The following ESPNL variants were observed in gnomAD, a reference collection of about 807,000 sequenced individuals.
ESPNL encodes espin-like protein.
Under a neutral mutation model 46.8 loss-of-function variants are expected in ESPNL, and 49 were observed. That is an observed-to-expected ratio of 1.05 (90% CI 0.83 to 1.33). The LOEUF (loss-of-function observed/expected upper bound fraction) is 1.33, where lower values mean the gene tolerates loss of function less well. Among genes scored for constraint, ESPNL ranks in the 40% most tolerant of loss-of-function variants. The pLI, the probability that ESPNL is intolerant of heterozygous loss-of-function variation, is 0.00. For missense variants in ESPNL, 1,540 were observed against 1,436.6 expected, an observed-to-expected ratio of 1.07 and a Z score of -1.16; for synonymous variants, 664 against 662.1, an observed-to-expected ratio of 1.00 and a Z score of -0.04.
In ESPNL at chr2:238,131,807, A is replaced by T. The variant is rs147389129; in HGVS notation, c.*75A>T. On this transcript the variant is annotated 3_prime_UTR_variant, in exon 9 of 9. Transcript: ENST00000343063. ...TTTCTCTTTTCTTTTCCTTGCTCAC[A>T]CCCTTGGTGTTCAGGTGAGCCGGGC... 6.7e-7 allele frequency: 1 copy of T among 1,489,346 alleles called. No individual in the cohort carries two copies. The highest frequency in any genetic ancestry group is 1.4e-5 in the African/African-American group (1 of 71,424). The allele number at this position is 1,489,346 out of a possible 1,614,324, so 92.3% of individuals were successfully genotyped here.
chr2:238,124,583 G>A (rs1370615605), intron 5 of ESPNL, among the ~76,000 whole-genome samples: 1 of 151,910 alleles, frequency 6.6e-6, no homozygotes, highest in African/African-American at 2.4e-5. Context: ...ACGTGTGTGT[G>A]TGTGCAGGAG....
rs755950330 is a variant in ESPNL, at chr2:238,131,211, G to C, written c.2497G>C (p.Ala833Pro). The C allele has an allele frequency of 6.5e-7, 1 of 1,548,556 alleles. No homozygotes were observed. The highest frequency in any genetic ancestry group is 1.2e-5 in the South Asian group (1 of 84,338). Residue 833 changes from alanine (A) to proline (P), a missense_variant, in exon 9 of 9, where the codon GCT becomes CCT. Ala to Pro is a conservative substitution (Grantham distance 27). Coordinates refer to ENST00000343063, the MANE Select transcript of ESPNL (RefSeq NM_194312.4). ...GCGGCTGAGCCGGCAGCCCCGCGGG[G>C]CTTTGTCCCCCGAGCAGTTCCTGCC... ...LRRLSRQPRG[A>P]LSPEQFLPHV...
intron 6 of ESPNL, chr2:238,127,344 C>G: frequency 8.0e-7 from 1 of 1,255,496 alleles, no homozygotes; most frequent in East Asian, 3.5e-5. Context: ...GCCTCAAGCC[C>G]TTCCCAGCTC....
chr2:238,121,451 G>T (rs1691985931), intron 5 of ESPNL, among the ~76,000 whole-genome samples: 1 of 152,258 alleles, frequency 6.6e-6, no homozygotes, highest in African/African-American at 2.4e-5. Context: ...AGGCTGGAGT[G>T]CAGTGGCACA....
chr2:238,127,287 G>A, intron 6 of ESPNL: 1 of 1,030,792 alleles, frequency 9.7e-7, no homozygotes. Context: ...AGCATTGCAG[G>A]CAGCAAGGGA....
At chr2:238,109,048 C>T (rs1041858150) in intron 4 of ESPNL, among the ~76,000 whole-genome samples, 1 of 152,190 alleles carries the variant, frequency 6.6e-6, no homozygotes, top group Non-Finnish European at 1.5e-5. Context: ...TCTGTCTCCC[C>T]AGTCTCTGTC....
At chr2:238,119,252 T>G (rs1691918550) in intron 5 of ESPNL, among the ~76,000 whole-genome samples, 1 of 107,456 alleles carries the variant, frequency 9.3e-6, no homozygotes, top group Non-Finnish European at 1.9e-5. Context: ...AGAGGATGGA[T>G]GGAGGAGAAA....
chr2:238,130,362 G>A lies in ESPNL; in HGVS notation c.1648G>A (p.Val550Ile), dbSNP rs1692273992. 2 of 1,610,422 alleles carry A rather than the reference G, an allele frequency of 1.2e-6. No homozygotes were observed. The highest frequency in any genetic ancestry group is 1.7e-5 in the Admixed American group (1 of 59,804). Residue 550 changes from valine (V) to isoleucine (I), a missense_variant, in exon 9 of 9, where the codon GTC becomes ATC. Val to Ile is a conservative substitution (Grantham distance 29). Coordinates refer to ENST00000343063, the MANE Select transcript of ESPNL (RefSeq NM_194312.4). ...LLPEPLVSIT[V>I]NSHFLPRAPG... ...GCCCGAGCCCCTGGTCAGCATCACG[G>A]TCAACAGCCACTTCCTGCCCCGGGC...
At chr2:238,120,574 C>G (rs570648690) in intron 5 of ESPNL, among the ~76,000 whole-genome samples, 1 of 152,380 alleles carries the variant, frequency 6.6e-6, no homozygotes, top group East Asian at 1.9e-4. Flanking sequence ...CTCCTGCCCG[C>G]GCCTGGGCGC....
intron 6 of ESPNL, chr2:238,127,268 G>T: frequency 3.7e-6 from 3 of 821,836 alleles, no homozygotes; most frequent in African/African-American, 1.8e-5. Flanking sequence ...TGTTTTCATC[G>T]GGGCAGGGAG....
Position 238,114,038 on chromosome 2 carries a change from G to T in ESPNL, c.856-2865G>T, listed in dbSNP as rs532841136. On this transcript the variant is annotated intron_variant, in intron 4 of 8. Coordinates refer to ENST00000343063, the MANE Select transcript of ESPNL (RefSeq NM_194312.4). The surrounding 1 kb of genome is among the most constrained non-coding windows in gnomAD (Gnocchi z 5.0). ...CTTTTACAGTGAATCCGTGTTTCACGTCCTTGGGCAGTGGGTTGGTCTGAC... is the reference window on the plus strand; with the variant it reads ...CTTTTACAGTGAATCCGTGTTTCACTTCCTTGGGCAGTGGGTTGGTCTGAC... 6.6e-6 allele frequency among the ~76,000 whole-genome samples: 1 copy of T among 152,120 alleles called. No homozygotes were observed. Among genetic ancestry groups the T allele is most frequent in the Non-Finnish European group, 1.5e-5 (1 of 68,012 alleles).
At chr2:238,106,989 G>A (rs114073752) in intron 3 of ESPNL, among the ~76,000 whole-genome samples, 423 of 152,350 alleles carry the variant, frequency 2.8e-3, no homozygotes, top group African/African-American at 9.3e-3. Flanking sequence ...GGCTGCTGGC[G>A]GCTCTGCTGT....
intron 3 of ESPNL, among the ~76,000 whole-genome samples, chr2:238,105,427 T>C (rs1691574317): frequency 6.8e-6 from 1 of 148,082 alleles, no homozygotes; most frequent in South Asian, 2.1e-4. Flanking sequence ...GCAGGAGAAG[T>C]GCTTGAACCT....
chr2:238,126,617 G>A (rs570813500), intron 6 of ESPNL, among the ~76,000 whole-genome samples: 4 of 149,208 alleles, frequency 2.7e-5, no homozygotes, highest in African/African-American at 7.5e-5. Context: ...GATTGTGTCC[G>A]TGTCTGTGTG....
At chr2:238,111,207 AT>A (rs1691711472) in intron 4 of ESPNL, among the ~76,000 whole-genome samples, 1 of 152,158 alleles carries the variant, frequency 6.6e-6, no homozygotes, top group African/African-American at 2.4e-5. Context: ...GATTACAGGC[AT>A]GAGCTACCGT....
At chr2:238,105,361 A>G (rs1691572598) in intron 3 of ESPNL, among the ~76,000 whole-genome samples, 1 of 152,032 alleles carries the variant, frequency 6.6e-6, no homozygotes, top group Non-Finnish European at 1.5e-5. Context: ...TCCTGCCTCT[A>G]CAACAGAAAA....
chr2:238,130,482 C>T lies in ESPNL; in HGVS notation c.1768C>T (p.Pro590Ser). 1 of 1,599,066 alleles carries T rather than the reference C, an allele frequency of 6.3e-7. No individual in the cohort carries two copies. The highest frequency in any genetic ancestry group is 8.5e-7 in the Non-Finnish European group (1 of 1,173,048). The change falls in exon 9 of 9, where the codon CCC becomes TCC. Residue 590 changes from proline (P) to serine (S), a missense_variant. Transcript: ENST00000343063. Reference protein sequence around the residue: ...SEVAPGVQPLPFWCSHISRLV... With the variant: ...SEVAPGVQPLSFWCSHISRLV... ...GGTGGCCCCCGGGGTGCAGCCCCTG[C>T]CCTTCTGGTGCAGCCACATCTCCCG...
intron 6 of ESPNL, 130 bp from the exon 7 acceptor site, chr2:238,127,492 G>GC: frequency 7.1e-7 from 1 of 1,414,728 alleles, no homozygotes. Context: ...GGCAGGGTGG[G>GC]CTGGGGTCAG....
At position 238,128,870 on chromosome 2, in the gene ESPNL, C is replaced by T. The variant is rs1207015036; in HGVS notation, c.1379C>T (p.Ala460Val). 6 of 1,545,132 alleles carry T rather than the reference C, an allele frequency of 3.9e-6. No homozygotes were observed. Among genetic ancestry groups the T allele is most frequent in the South Asian group, 1.2e-5 (1 of 83,958 alleles). ...CAGGTGATGGTGCGGAAGCTGCAGG[C>T]GCGCCTGGGCGCAGAGAGCTCCGCA... ...KRQVMVRKLQ[A>V]RLGAESSAEA... Residue 460 changes from alanine (A) to valine (V), a missense_variant, in exon 8 of 9, where the codon GCG (alanine) becomes GTG (valine). Coordinates refer to ENST00000343063, the MANE Select transcript of ESPNL (RefSeq NM_194312.4).
Sources: gnomAD v4.1 joint callset for allele counts (sites outside exome capture counted in the v4.1 genomes callset) on GRCh38, gnomAD v4.1.1 for gene constraint, Gnocchi (gnomAD v3.1) non-coding constraint, MANE v1.5 for transcripts, NCBI Gene and HGNC (gene_info 2026-07-23, HGNC 2026-07-21) for gene names.